OSBPL11: variants seen among roughly 807,000 people sequenced by gnomAD.
The protein encoded by OSBPL11 is oxysterol-binding protein-related protein 11.
A neutral mutation model predicts 84.4 loss-of-function variants in OSBPL11; 33 were observed. The observed-to-expected ratio is 0.39, with a 90% CI of 0.30 to 0.52. The LOEUF is 0.52. Ranked by LOEUF, OSBPL11 falls within the 20% of genes least tolerant of loss-of-function variation. The pLI is 0.72. For missense variants in OSBPL11, 736 were observed against 901.1 expected (o/e 0.82, Z 2.35); for synonymous variants, 276 against 310.2 (o/e 0.89, Z 1.16).
intron 1 of OSBPL11, 92 bp downstream of exon 1, chr3:125,594,545 C>CT: frequency 1.4e-6 from 2 of 1,470,060 alleles, no homozygotes; most frequent in East Asian, 4.6e-5. Flanking sequence ...AGTGAAAAAA[C>CT]TTTTATCTTT....
At chr3:125,572,498 T>C (rs1013727246) in intron 5 of OSBPL11, among the ~76,000 whole-genome samples, 11 of 152,128 alleles carry the variant, frequency 7.2e-5, no homozygotes, top group African/African-American at 2.4e-4. Context: ...AATTCCCACA[T>C]GTTGTAGGAG....
intron 4 of OSBPL11, 56 bp downstream of exon 4, chr3:125,578,904 T>A (rs753322270): frequency 1.6e-3 from 1,490 of 952,636 alleles, no homozygotes; most frequent in South Asian, 1.7e-3. Context: ...AGGCAAAAAA[T>A]AAAAAATATT....
At chr3:125,541,325 A>G (rs1233424818) in intron 10 of OSBPL11, among the ~76,000 whole-genome samples, 2 of 152,212 alleles carry the variant, frequency 1.3e-5, no homozygotes, top group Admixed American at 6.5e-5. Flanking sequence ...AGTGCTTAAT[A>G]ACTGTTGCCT....
In OSBPL11 at chr3:125,594,845, A is replaced by G. The variant is rs1295200095; in HGVS notation, c.-45T>C. ...TGCCCTTCTTGAGCGGGAGAGAACA[A>G]TTCTGTAGTTCTGTAGGTGACTTTT... On this transcript the variant is annotated 5_prime_UTR_variant, in exon 1 of 13. Coordinates refer to ENST00000296220, the MANE Select transcript of OSBPL11 (RefSeq NM_022776.5). 2 of 1,585,546 alleles carry G rather than the reference A, an allele frequency of 1.3e-6. No individual in the cohort carries two copies. Among genetic ancestry groups the G allele is most frequent in the Admixed American group, 1.8e-5 (1 of 54,762 alleles).
At chr3:125,592,701 A>T (rs1384749746) in intron 1 of OSBPL11, among the ~76,000 whole-genome samples, 1 of 152,126 alleles carries the variant, frequency 6.6e-6, no homozygotes, top group African/African-American at 2.4e-5. Flanking sequence ...AATCAACAAA[A>T]TATTTTTAAA....
chr3:125,547,506 C>A lies in OSBPL11; in HGVS notation c.1741G>T (p.Val581Leu), dbSNP rs1429391403. ...ACACTGACTTTGCCACCCAGTTCTA[C>A]CCAAGGAACAGTCAAAATTGACCGA... is the stretch of plus-strand genomic sequence containing the variant. Reference protein sequence around the residue: ...YARSILTVPWVELGGKVSVNC... With the variant: ...YARSILTVPWLELGGKVSVNC... Residue 581 changes from valine (V) to leucine (L), a missense_variant, in exon 10 of 13, where the codon GTA becomes TTA. Physicochemically the swap from Val to Leu is conservative, Grantham distance 32. Coordinates refer to ENST00000296220, the MANE Select transcript of OSBPL11 (RefSeq NM_022776.5). The A allele has an allele frequency of 1.2e-6, 2 of 1,613,882 alleles. No individual in the cohort carries two copies. The highest frequency in any genetic ancestry group is 2.7e-5 in the African/African-American group (2 of 74,898).
At chr3:125,533,244 T>C (rs1935589301) in intron 11 of OSBPL11, among the ~76,000 whole-genome samples, 1 of 145,134 alleles carries the variant, frequency 6.9e-6, no homozygotes, top group African/African-American at 2.5e-5. Context: ...TCTGTTCTCG[T>C]CTCTTCTCTT....
intron 6 of OSBPL11, among the ~76,000 whole-genome samples, chr3:125,566,237 C>T (rs1415058594): frequency 1.3e-5 from 2 of 152,128 alleles, no homozygotes; most frequent in Non-Finnish European, 2.9e-5. Context: ...AACTCCTGAC[C>T]TTAGGTGACC....
chr3:125,585,552 A>C (rs1936494931), intron 1 of OSBPL11, among the ~76,000 whole-genome samples: 1 of 152,048 alleles, frequency 6.6e-6, no homozygotes, highest in South Asian at 2.1e-4. Context: ...AAAAAAAACA[A>C]AACTATAAGG....
chr3:125,539,767 G>A (rs1935703232), intron 10 of OSBPL11, among the ~76,000 whole-genome samples: 1 of 151,994 alleles, frequency 6.6e-6, no homozygotes, highest in Non-Finnish European at 1.5e-5. Context: ...TTTTTAGTGA[G>A]GTATTTTATG....
chr3:125,578,647 T>G (rs1285794280), intron 4 of OSBPL11, among the ~76,000 whole-genome samples: 1 of 152,064 alleles, frequency 6.6e-6, no homozygotes, highest in African/African-American at 2.4e-5. Flanking sequence ...GGTGTGTGCC[T>G]GTAGTCCCAG....
chr3:125,571,074 T>C (rs544231629), intron 5 of OSBPL11, among the ~76,000 whole-genome samples: 4 of 152,262 alleles, frequency 2.6e-5, no homozygotes, highest in Admixed American at 6.5e-5. Flanking sequence ...ATATGGACAA[T>C]AGTGTCCAGG....
chr3:125,531,965 T>G lies in OSBPL11; in HGVS notation c.2074A>C (p.Lys692Gln). The G allele has an allele frequency of 1.2e-6, 2 of 1,612,746 alleles. No individual in the cohort carries two copies. The highest frequency in any genetic ancestry group is 1.7e-6 in the Non-Finnish European group (2 of 1,179,720). Residue 692 changes from lysine (K) to glutamine (Q), a missense_variant, in exon 12 of 13, where the codon AAG (lysine) becomes CAG (glutamine). Coordinates refer to ENST00000296220, the MANE Select transcript of OSBPL11 (RefSeq NM_022776.5). ...TDSLRESEID[K>Q]ATEHKHTLEE... ...AGGGTATGCTTATGCTCTGTGGCCT[T>G]ATCAATTTCAGATTCTCTCAGCGAG... is the stretch of plus-strand genomic sequence containing the variant.
At chr3:125,540,228 T>C (rs560145315) in intron 10 of OSBPL11, among the ~76,000 whole-genome samples, 17 of 147,990 alleles carry the variant, frequency 1.1e-4, no homozygotes, top group African/African-American at 4.0e-4. Flanking sequence ...ACTCAGGAGG[T>C]TGAGGCCTGA....
chr3:125,536,231 T>C (rs1935638269), intron 11 of OSBPL11, among the ~76,000 whole-genome samples: 1 of 152,204 alleles, frequency 6.6e-6, no homozygotes, highest in Admixed American at 6.5e-5. Context: ...TTTCATACTG[T>C]TTCAAAACTC....
At chr3:125,578,291 T>C (rs777283211) in intron 4 of OSBPL11, among the ~76,000 whole-genome samples, 3 of 152,186 alleles carry the variant, frequency 2.0e-5, no homozygotes, top group Non-Finnish European at 2.9e-5. Flanking sequence ...CCCCATATTA[T>C]ATGGTTCAAT....
chr3:125,586,407 G>A (rs907647653), intron 1 of OSBPL11, among the ~76,000 whole-genome samples: 6 of 151,972 alleles, frequency 3.9e-5, no homozygotes, highest in Non-Finnish European at 8.8e-5. Flanking sequence ...ATTAAACTGT[G>A]CTAAGTGGCT....
At chr3:125,566,416 C>T (rs1268631704) in intron 6 of OSBPL11, among the ~76,000 whole-genome samples, 3 of 152,164 alleles carry the variant, frequency 2.0e-5, no homozygotes, top group Non-Finnish European at 2.9e-5. Flanking sequence ...GTGCCCTAAC[C>T]TGCAACTACA....
intron 6 of OSBPL11, among the ~76,000 whole-genome samples, chr3:125,565,747 G>A (rs1210919736): frequency 2.0e-5 from 3 of 152,076 alleles, no homozygotes; most frequent in East Asian, 3.9e-4. Flanking sequence ...ATTCCTACAA[G>A]TCATGAATTC....
Sources: allele counts gnomAD v4.1 joint callset (sites outside exome capture counted in the v4.1 genomes callset), GRCh38; gene constraint gnomAD v4.1.1; transcripts MANE v1.5; gene names NCBI Gene and HGNC (gene_info 2026-07-23, HGNC 2026-07-21).